ERN1: variants seen among roughly 807,000 people sequenced by gnomAD.
The protein encoded by ERN1 is serine/threonine-protein kinase/endoribonuclease IRE1.
In ERN1, 39 loss-of-function variants were observed where a neutral mutation model predicts 113.1. The ratio of observed to expected loss-of-function variants is 0.34; its 90% confidence interval spans 0.27 to 0.45. The LOEUF (loss-of-function observed/expected upper bound fraction) is 0.45, where lower values mean the gene tolerates loss of function less well. ERN1 is among the 20% of genes least tolerant of loss of function. The pLI, the probability that ERN1 is intolerant of heterozygous loss-of-function variation, is 1.00. For synonymous variants in ERN1, 507 were observed against 515.9 expected, an observed-to-expected ratio of 0.98 and a Z score of 0.23; for missense variants, 976 against 1,274.8, an observed-to-expected ratio of 0.77 and a Z score of 3.57.
chr17:64,048,159 T>G (rs889250459), intron 18 of ERN1, among the ~76,000 whole-genome samples, 174 bp from the exon 19 acceptor site: 11 of 152,192 alleles, frequency 7.2e-5, no homozygotes, highest in Non-Finnish European at 1.5e-4. Flanking sequence ...GAGTCCTCAC[T>G]GCATGGTTTG....
At chr17:64,098,601 G>A (rs752267753) in intron 1 of ERN1, 18 of 535,818 alleles carry the variant, frequency 3.4e-5, no homozygotes, top group African/African-American at 9.5e-5. Context: ...CTCATAAGAC[G>A]TTATGATAAA....
intron 2 of ERN1, among the ~76,000 whole-genome samples, chr17:64,086,812 A>C (rs921013337): frequency 6.6e-6 from 1 of 151,632 alleles, no homozygotes; most frequent in Non-Finnish European, 1.5e-5. Flanking sequence ...ACACCCAGCT[A>C]ATTTTTGTAT....
intron 7 of ERN1, 100 bp downstream of exon 7, chr17:64,068,088 CAA>C (rs1388371914): frequency 9.0e-6 from 7 of 775,356 alleles, no homozygotes; most frequent in East Asian, 5.4e-5. Flanking sequence ...AACCTGGTGA[CAA>C]AGAGTATCTT....
Position 64,055,636 on chromosome 17 carries a change from TAAAAC to T in ERN1, c.1672+34_1672+38del, listed in dbSNP as rs576254724. ...TTGGACTTCTCAGGAGGTGCTCGAA[TAAAAC>T]ATAAAATAGCACCAAGATGGCAACT... is the stretch of plus-strand genomic sequence containing the variant. On this transcript the variant is annotated intron_variant, in intron 13 of 21. Transcript: ENST00000433197. 3.5e-4 allele frequency: 528 copies of T among 1,525,648 alleles called. 4 individuals are homozygous for T. In the African/African-American group the frequency reaches 6.6e-3, roughly 19 times the overall value. 94.5% of individuals were successfully genotyped at this position (1,525,648 alleles called of 1,614,324 possible).
chr17:64,124,544 G>A (rs1264717556), intron 1 of ERN1, among the ~76,000 whole-genome samples: 1 of 152,142 alleles, frequency 6.6e-6, no homozygotes, highest in Non-Finnish European at 1.5e-5. Flanking sequence ...TTAAAAATGG[G>A]AAGCTCCCTG....
chr17:64,048,426 C>T (rs984920674), intron 18 of ERN1, among the ~76,000 whole-genome samples: 2 of 152,206 alleles, frequency 1.3e-5, no homozygotes, highest in African/African-American at 2.4e-5. Context: ...CAATAGCCAT[C>T]ATTCATCCCT....
At position 64,043,819 on chromosome 17, in the gene ERN1, C is replaced by T; in HGVS notation, c.*169G>A. On this transcript the variant is annotated 3_prime_UTR_variant, in exon 22 of 22. Coordinates refer to ENST00000433197, the MANE Select transcript of ERN1 (RefSeq NM_001433.5). ...GTAGGTCACGAGGGGCCACTTCTCCCACTTCCTGGGGTCAGCACTGTCCTC... is the reference window on the plus strand; with the variant it reads ...GTAGGTCACGAGGGGCCACTTCTCCTACTTCCTGGGGTCAGCACTGTCCTC... The T allele has an allele frequency of 2.0e-6, 1 of 503,362 alleles. No individual in the cohort carries two copies. The allele number at this position is 503,362 out of a possible 1,614,324, so 31.2% of individuals were successfully genotyped here. A position where few individuals can be genotyped will look rare whatever the true frequency, so the allele number is the denominator to read the frequency against.
chr17:64,054,782 G>T lies in ERN1; in HGVS notation c.1719C>A (p.Pro573=). ...CAGCTCCATGGCCCAGGACATCCTT[G>T]GGACAGAAGGAAATTTTCCCAACTA... ...VVIVGKISFC[P]KDVLGHGAEG... Residue 573 remains proline, a synonymous_variant, in exon 14 of 22, where the codon CCC becomes CCA. Coordinates refer to ENST00000433197, the MANE Select transcript of ERN1 (RefSeq NM_001433.5). This position sits in a 1 kb window ranked among gnomAD's most constrained non-coding sequence, Gnocchi z 4.9. The T allele has an allele frequency of 6.2e-7, 1 of 1,610,480 alleles. No individual in the cohort carries two copies. Among genetic ancestry groups the T allele is most frequent in the Non-Finnish European group, 8.5e-7 (1 of 1,178,700 alleles).
intron 6 of ERN1, 28 bp downstream of exon 6, chr17:64,071,953 T>C (rs374687098): frequency 3.4e-5 from 53 of 1,551,538 alleles, no homozygotes; most frequent in Non-Finnish European, 4.4e-5. Context: ...AACAGGCAGG[T>C]TGTAGAAGAC....
chr17:64,080,675 A>G (rs1180896895), intron 3 of ERN1, 100 bp downstream of exon 3: 3 of 1,082,802 alleles, frequency 2.8e-6, no homozygotes, highest in African/African-American at 1.6e-5. Context: ...TATTCCTCAA[A>G]CTTACACATA....
At chr17:64,111,715 G>C (rs552815786) in intron 1 of ERN1, among the ~76,000 whole-genome samples, 50 of 152,298 alleles carry the variant, frequency 3.3e-4, no homozygotes, top group Non-Finnish European at 6.5e-4. Flanking sequence ...TGGGCATCTG[G>C]ATTGTGGGGC....
rs770692398 is a variant in ERN1 at position 64,065,196 on chromosome 17, G to A, written c.921+13C>T. On this transcript the variant is annotated intron_variant, in intron 9 of 21. Transcript: ENST00000433197. ...GTGGTTAGGCAGCTGCGAGCCCTCC[G>A]TAGTGGACTTACCACGACAGCAACC... 1.4e-5 allele frequency: 23 copies of A among 1,595,338 alleles called. No individual in the cohort carries two copies. The highest frequency in any genetic ancestry group is 6.9e-5 in the Admixed American group (4 of 58,114).
chr17:64,063,628 C>A lies in ERN1; in HGVS notation c.1087+358G>T, dbSNP rs1380055828. Among the ~76,000 whole-genome samples the A allele has an allele frequency of 6.6e-6, 1 of 152,142 alleles. No individual in the cohort carries two copies. Among genetic ancestry groups the A allele is most frequent in the Non-Finnish European group, 1.5e-5 (1 of 68,046 alleles). On this transcript the variant is annotated intron_variant, in intron 10 of 21. Coordinates refer to ENST00000433197, the MANE Select transcript of ERN1 (RefSeq NM_001433.5). The surrounding 1 kb of genome is among the most constrained non-coding windows in gnomAD (Gnocchi z 5.1). ...GTTAATTCTTCCATAGAAACAGTCT[C>A]AGTTTTCTTAACTATAAAATGGAAA...
At chr17:64,073,912 G>A (rs1381622518) in intron 5 of ERN1, among the ~76,000 whole-genome samples, 1 of 152,204 alleles carries the variant, frequency 6.6e-6, no homozygotes, top group Non-Finnish European at 1.5e-5. Flanking sequence ...CCAAGGTACT[G>A]GGATTACAGT....
At chr17:64,108,312 G>A (rs1022477867) in intron 1 of ERN1, among the ~76,000 whole-genome samples, 36 of 152,114 alleles carry the variant, frequency 2.4e-4, no homozygotes, top group Non-Finnish European at 4.3e-4. Context: ...TTTGGGGCCT[G>A]GGCTGAGTGT....
In ERN1 at chr17:64,129,440, G is replaced by C. The variant is rs572870107; in HGVS notation, c.54+536C>G. On this transcript the variant is annotated intron_variant, in intron 1 of 21. Coordinates refer to ENST00000433197, the MANE Select transcript of ERN1 (RefSeq NM_001433.5). Reference sequence around the variant, plus strand: ...AAGTGGCAGAAGCCAGCTCTCGGGTGAGAGTCCTTACTCCCTGTTGCATTC... The same window carrying C: ...AAGTGGCAGAAGCCAGCTCTCGGGTCAGAGTCCTTACTCCCTGTTGCATTC... 1.4e-4 allele frequency: 24 copies of C among 176,850 alleles called. No homozygotes were observed. The East Asian group carries it at 3.4e-3, about 25-fold the overall frequency. 11.0% of individuals were successfully genotyped at this position (176,850 alleles called of 1,614,324 possible). A position where few individuals can be genotyped will look rare whatever the true frequency, so the allele number is the denominator to read the frequency against.
chr17:64,065,536 G>C (rs767107060), intron 8 of ERN1, among the ~76,000 whole-genome samples: 25 of 152,112 alleles, frequency 1.6e-4, no homozygotes, highest in Middle Eastern at 3.2e-3. Context: ...CAAAATCGCA[G>C]GGCTGGACTA....
At position 64,066,722 on chromosome 17, in the gene ERN1, G is replaced by T. The variant is rs956863832; in HGVS notation, c.791C>A (p.Thr264Lys). 5 of 1,613,800 alleles carry T rather than the reference G, an allele frequency of 3.1e-6. No homozygotes were observed. In the African/African-American group the frequency reaches 6.7e-5, roughly 22 times the overall value. The change falls in exon 8 of 22, where the codon ACA (threonine) becomes AAA (lysine). Residue 264 changes from threonine (T) to lysine (K), a missense_variant. Physicochemically the swap from Thr to Lys is moderately conservative, Grantham distance 78. Coordinates refer to ENST00000433197, the MANE Select transcript of ERN1 (RefSeq NM_001433.5). ...CTTGGGGAACGGGTACTTCCACTTT[G>T]TGATGCGCCCCACCTCCCCAGACAT... Reference protein sequence around the residue: ...TFMSGEVGRITKWKYPFPKET... With the variant: ...TFMSGEVGRIKKWKYPFPKET...
At position 64,050,040 on chromosome 17, in the gene ERN1, C is replaced by A. The variant is rs1912633807; in HGVS notation, c.2254-838G>T. Among the ~76,000 whole-genome samples, 3 of 152,128 alleles carry A rather than the reference C, an allele frequency of 2.0e-5. No individual in the cohort carries two copies. In the East Asian group the frequency reaches 5.8e-4, roughly 29 times the overall value. On this transcript the variant is annotated intron_variant, in intron 17 of 21. Transcript: ENST00000433197. ...GCACTCTCATTCAGCCTCACAACAA[C>A]CTTGTGAGGCGAGCAGAGCAAATGC...
Sources: allele counts gnomAD v4.1 joint callset (sites outside exome capture counted in the v4.1 genomes callset), GRCh38; gene constraint gnomAD v4.1.1; non-coding constraint Gnocchi (gnomAD v3.1); transcripts MANE v1.5; gene names NCBI Gene and HGNC (gene_info 2026-07-23, HGNC 2026-07-21).